TICRR: variants seen among roughly 807,000 people sequenced by gnomAD.
The protein encoded by TICRR is TOPBP1 interacting checkpoint and replication regulator.
A neutral mutation model predicts 178.1 loss-of-function variants in TICRR; 132 were observed. That is an observed-to-expected ratio of 0.74 (90% CI 0.64 to 0.86). The LOEUF is 0.86. TICRR is among the 40% of genes least tolerant of loss of function. The probability of loss-of-function intolerance (pLI) is 0.00; values close to 1 mark genes in which losing one functional copy is unlikely to be tolerated. For synonymous variants in TICRR, 991 were observed against 900.7 expected, an observed-to-expected ratio of 1.10 and a Z score of -1.79; for missense variants, 2,587 against 2,334.3, an observed-to-expected ratio of 1.11 and a Z score of -2.23.
At chr15:89,597,397 G>A (rs1275004281) in intron 7 of TICRR, among the ~76,000 whole-genome samples, 7 of 152,056 alleles carry the variant, frequency 4.6e-5, no homozygotes, top group Admixed American at 3.3e-4. Flanking sequence ...GGTGGCAGGC[G>A]CCTGTAGTCC....
intron 15 of TICRR, among the ~76,000 whole-genome samples, chr15:89,613,734 C>CTTT (rs34162195): frequency 3.3e-5 from 2 of 61,518 alleles, no homozygotes; most frequent in East Asian, 4.0e-4. Context: ...TTTCTATTCG[C>CTTT]TTTTTTTTTT....
At chr15:89,619,137 ACTG>A (rs1259551753) in intron 17 of TICRR, among the ~76,000 whole-genome samples, 3 of 152,084 alleles carry the variant, frequency 2.0e-5, no homozygotes, top group Admixed American at 6.5e-5. Flanking sequence ...ATATACTCTT[ACTG>A]CTATTATTTC....
chr15:89,607,939 T>A (rs951298443), intron 14 of TICRR, among the ~76,000 whole-genome samples: 12 of 152,134 alleles, frequency 7.9e-5, no homozygotes, highest in Non-Finnish European at 1.8e-4. Context: ...ATTTAAAATG[T>A]CCCAGCAGCT....
At position 89,626,945 on chromosome 15, in the gene TICRR, CCTT is replaced by C. The variant is rs762282870; in HGVS notation, c.5603-5_5603-3del. 2.3e-5 allele frequency: 37 copies of C among 1,612,830 alleles called. No individual in the cohort carries two copies. Among genetic ancestry groups the C allele is most frequent in the Admixed American group, 6.7e-5 (4 of 59,942 alleles). On this transcript the variant is annotated splice_region_variant and splice_polypyrimidine_tract_variant and intron_variant, in intron 21 of 21. Coordinates refer to ENST00000268138, the MANE Select transcript of TICRR (RefSeq NM_152259.4). ...GACTCCTGCATGCTAAGCCTTTCTA[CCTT>C]CTTCTAGATGAGGATGTGGATGTTC...
In TICRR at chr15:89,625,172, A is replaced by T. The variant is rs1163361008; in HGVS notation, c.4862A>T (p.Tyr1621Phe). The change falls in exon 20 of 22, where the codon TAT becomes TTT. Residue 1621 changes from tyrosine (Y) to phenylalanine (F), a missense_variant. Transcript: ENST00000268138. ...SRSLSKPEPT[Y>F]VSPPCPRLSH... ...TCCTTAAGCAAACCTGAACCCACCTATGTGTCACCCCCCTGCCCCCGCCTC... is the reference window on the plus strand; with the variant it reads ...TCCTTAAGCAAACCTGAACCCACCTTTGTGTCACCCCCCTGCCCCCGCCTC... 1.9e-6 allele frequency: 3 copies of T among 1,613,452 alleles called. No individual in the cohort carries two copies. Among genetic ancestry groups the T allele is most frequent in the Non-Finnish European group, 2.5e-6 (3 of 1,179,822 alleles).
Position 89,622,365 on chromosome 15 carries a change from C to A in TICRR, c.3312+815C>A, listed in dbSNP as rs181066535. On this transcript the variant is annotated intron_variant, in intron 19 of 21. Transcript: ENST00000268138. ...TAGTTCAGGTCTACCTGGAACACTT[C>A]AACAGGCTTTTCCCTCTCAAAGGGA... 6.5e-4 allele frequency among the ~76,000 whole-genome samples: 99 copies of A among 152,270 alleles called. No individual in the cohort carries two copies. The East Asian group carries it at 0.014, about 21-fold the overall frequency.
At chr15:89,581,260 C>T (rs931144032) in intron 1 of TICRR, among the ~76,000 whole-genome samples, 2 of 152,160 alleles carry the variant, frequency 1.3e-5, no homozygotes, top group African/African-American at 4.8e-5. Context: ...GCATGATGAG[C>T]ATATTCTAAG....
In TICRR at chr15:89,584,475, G is replaced by T; in HGVS notation, c.1124G>T (p.Arg375Met). 1 of 1,604,238 alleles carries T rather than the reference G, an allele frequency of 6.2e-7. No individual in the cohort carries two copies. The highest frequency in any genetic ancestry group is 1.1e-5 in the South Asian group (1 of 90,032). ...CCAGAGGAGAGCACAGCAACTCAAA[G>T]GCTGTTATTTCAGCAGTTGGTAAGC... ...GSPEESTATQRLLFQQLVSRL... is the reference protein window; with the variant it reads ...GSPEESTATQMLLFQQLVSRL... Residue 375 changes from arginine (R) to methionine (M), a missense_variant, in exon 3 of 22, where the codon AGG becomes ATG. By Grantham distance (91) the Arg-to-Met change is moderately conservative. Transcript: ENST00000268138.
Position 89,619,822 on chromosome 15 carries a change from C to A in TICRR, c.3134C>A (p.Ser1045Tyr), listed in dbSNP as rs1438281795. The change falls in exon 18 of 22, where the codon TCT becomes TAT. Residue 1045 changes from serine to tyrosine, a missense_variant. Ser to Tyr is a moderately radical substitution (Grantham distance 144). Coordinates refer to ENST00000268138, the MANE Select transcript of TICRR (RefSeq NM_152259.4). ...PKSRSVQRVH[S>Y]FQQDKSDQRE... The stretch of plus-strand genomic sequence containing the variant: ...TCTCGAAGTGTGCAAAGAGTCCACT[C>A]TTTCCAGCAAGATAAGTCAGGTAAC... 6.2e-7 allele frequency: 1 copy of A among 1,612,816 alleles called. No individual in the cohort carries two copies. The highest frequency in any genetic ancestry group is 2.2e-5 in the East Asian group (1 of 44,814).
chr15:89,577,361 T>A (rs1962642223), intron 1 of TICRR, among the ~76,000 whole-genome samples: 1 of 152,150 alleles, frequency 6.6e-6, no homozygotes, highest in South Asian at 2.1e-4. Flanking sequence ...GTATATACTT[T>A]TGCCTTCATC....
intron 1 of TICRR, among the ~76,000 whole-genome samples, chr15:89,576,996 C>T (rs111237911): frequency 0.33 from 49,601 of 151,536 alleles, 8,156 homozygotes; most frequent in South Asian, 0.37. Flanking sequence ...CGGGTTCAAG[C>T]GATTCTCATG....
rs202231396 is a variant in TICRR at position 89,606,781 on chromosome 15, C to G, written c.2678C>G (p.Pro893Arg). ...KRATKKENSH[P>R]APQQPSQPVK... ...CTCATGTTTCAGGAGAACTCTCACC[C>G]TGCTCCTCAGCAGCCTTCCCAGCCA... Residue 893 changes from proline (P) to arginine (R), a missense_variant, in exon 14 of 22, where the codon CCT (proline) becomes CGT (arginine). Transcript: ENST00000268138. 170 of 1,613,824 alleles carry G rather than the reference C, an allele frequency of 1.1e-4. 1 individual carries two copies. Among genetic ancestry groups the G allele is most frequent in the African/African-American group, 9.3e-4 (70 of 75,016 alleles).
intron 8 of TICRR, among the ~76,000 whole-genome samples, chr15:89,600,042 G>C (rs753418400): frequency 5.3e-5 from 8 of 152,172 alleles, no homozygotes; most frequent in Non-Finnish European, 8.8e-5. Context: ...GGAGGTGGAG[G>C]TTGCAGTGAG....
chr15:89,609,100 C>CTTTTTTTTTTTTTTTTTTTTTTTTTTTTT lies in TICRR; in HGVS notation c.2869+179_2869+180insTTTTTTTTTTTTTTTTTTTTTTTTTTTTT, dbSNP rs59398617. ...CTAAAGGTTTGTCAATTTTGTTAAT[C>CTTTTTTTTTTTTTTTTTTTTTTTTTTTTT]TTTTTTTTTTTTTTTTTTTTTTTTT... On this transcript the variant is annotated intron_variant, in intron 15 of 21. Coordinates refer to ENST00000268138, the MANE Select transcript of TICRR (RefSeq NM_152259.4). 5 of 81,478 alleles carry CTTTTTTTTTTTTTTTTTTTTTTTTTTTTT rather than the reference C, an allele frequency of 6.1e-5. 2 individuals carry two copies. Among genetic ancestry groups the CTTTTTTTTTTTTTTTTTTTTTTTTTTTTT allele is most frequent in the African/African-American group, 4.3e-4 (4 of 9,406 alleles). The allele number at this position is 81,478 out of a possible 1,614,324, so 5.0% of individuals were successfully genotyped here.
At chr15:89,620,774 G>A (rs1313536544) in intron 18 of TICRR, among the ~76,000 whole-genome samples, 2 of 152,156 alleles carry the variant, frequency 1.3e-5, no homozygotes, top group African/African-American at 2.4e-5. Context: ...CCAGGCTGGA[G>A]TGCAGTGGCG....
At position 89,625,134 on chromosome 15, in the gene TICRR, C is replaced by G. The variant is rs755457939; in HGVS notation, c.4824C>G (p.Pro1608=). The G allele has an allele frequency of 1.2e-4, 197 of 1,613,784 alleles. No individual in the cohort carries two copies. The highest frequency in any genetic ancestry group is 1.4e-5 in the Non-Finnish European group (17 of 1,179,994). Residue 1608 remains proline, a synonymous_variant, in exon 20 of 22, where the codon CCC becomes CCG. Coordinates refer to ENST00000268138, the MANE Select transcript of TICRR (RefSeq NM_152259.4). Reference sequence around the variant, plus strand: ...GCTTCCTCCCTGCTCTCAGCATGCCCAGGGCCAGCAGGTCCTTAAGCAAAC... The same window carrying G: ...GCTTCCTCCCTGCTCTCAGCATGCCGAGGGCCAGCAGGTCCTTAAGCAAAC... The part of the protein sequence containing the change: ...EESFLPALSM[P]RASRSLSKPE...
At position 89,601,524 on chromosome 15, in the gene TICRR, G is replaced by C; in HGVS notation, c.2283G>C (p.Glu761Asp). 1 of 1,614,168 alleles carries C rather than the reference G, an allele frequency of 6.2e-7. No homozygotes were observed. The highest frequency in any genetic ancestry group is 8.5e-7 in the Non-Finnish European group (1 of 1,180,026). ...TDLLRMVCLT[E>D]DSAYLAEFLE... The stretch of plus-strand genomic sequence containing the variant: ...TGCTGCGCATGGTGTGTTTAACTGA[G>C]GATTCAGCGTACCTAGCAGAGTTTC... Residue 761 changes from glutamate to aspartate, a missense_variant, in exon 11 of 22, where the codon GAG becomes GAC. Coordinates refer to ENST00000268138, the MANE Select transcript of TICRR (RefSeq NM_152259.4).
At chr15:89,618,114 G>A in intron 16 of TICRR, 38 bp from the exon 17 acceptor site, 1 of 1,598,926 alleles carries the variant, frequency 6.3e-7, no homozygotes, top group Non-Finnish European at 8.6e-7. Flanking sequence ...TTAATTACAA[G>A]TGGTATGGAG....
intron 5 of TICRR, among the ~76,000 whole-genome samples, chr15:89,593,327 G>A (rs1294686237): frequency 1.3e-5 from 2 of 152,016 alleles, no homozygotes; most frequent in Admixed American, 6.6e-5. Flanking sequence ...TACAAATGTG[G>A]CCCATGTTAT....
Sources: allele counts gnomAD v4.1 joint callset (sites outside exome capture counted in the v4.1 genomes callset), GRCh38; gene constraint gnomAD v4.1.1; transcripts MANE v1.5; gene names NCBI Gene and HGNC (gene_info 2026-07-23, HGNC 2026-07-21).